RAB18: variants seen among roughly 807,000 people sequenced by gnomAD.
The protein encoded by RAB18 is RAB18, member RAS oncogene family, also known as ras-related protein Rab-18.
Under a neutral mutation model 28.5 loss-of-function variants are expected in RAB18, and 10 were observed. That is an observed-to-expected ratio of 0.35 (90% CI 0.22 to 0.60). RAB18 has a LOEUF of 0.60. RAB18 is among the 20% of genes least tolerant of loss of function. The pLI, the probability that RAB18 is intolerant of heterozygous loss-of-function variation, is 0.78. For synonymous variants in RAB18, 93 were observed against 86.9 expected, an observed-to-expected ratio of 1.07 and a Z score of -0.39; for missense variants, 188 against 244.2, an observed-to-expected ratio of 0.77 and a Z score of 1.53.
chr10:27,516,575 AAG>A (rs1834441854), intron 2 of RAB18, among the ~76,000 whole-genome samples: 4 of 151,910 alleles, frequency 2.6e-5, no homozygotes, highest in South Asian at 4.2e-4. Flanking sequence ...AAAAAAAAAA[AAG>A]AGAGAAATCT....
At chr10:27,506,832 A>C (rs1397165321) in intron 1 of RAB18, among the ~76,000 whole-genome samples, 1 of 152,146 alleles carries the variant, frequency 6.6e-6, no homozygotes, top group Non-Finnish European at 1.5e-5. Context: ...GAAACAAAGA[A>C]ACAAATTTAC....
chr10:27,509,444 C>G (rs886121990), intron 1 of RAB18, among the ~76,000 whole-genome samples: 1 of 152,136 alleles, frequency 6.6e-6, no homozygotes. Flanking sequence ...TGCTTGAATT[C>G]AGAGTGGATT....
At chr10:27,509,543 G>A (rs932231346) in intron 1 of RAB18, among the ~76,000 whole-genome samples, 2 of 152,028 alleles carry the variant, frequency 1.3e-5, no homozygotes, top group African/African-American at 2.4e-5. Context: ...AGCATGACAT[G>A]CTGCTAATAT....
At chr10:27,525,305 A>T (rs906756357) in intron 2 of RAB18, among the ~76,000 whole-genome samples, 1 of 152,200 alleles carries the variant, frequency 6.6e-6, no homozygotes. Flanking sequence ...TTGAGAATTT[A>T]ACTGTAGAGT....
intron 2 of RAB18, among the ~76,000 whole-genome samples, chr10:27,523,774 G>T (rs1411292517): frequency 6.6e-6 from 1 of 151,840 alleles, no homozygotes; most frequent in Non-Finnish European, 1.5e-5. Context: ...CACCATGCCT[G>T]GCTAATTTTA....
intron 1 of RAB18, 72 bp downstream of exon 1, chr10:27,504,509 C>G (rs921214309): frequency 1.3e-6 from 2 of 1,493,834 alleles, no homozygotes; most frequent in South Asian, 1.2e-5. Context: ...GTCTCCTGGG[C>G]CGCGACGGGA....
At chr10:27,522,264 A>G (rs1266265901) in intron 2 of RAB18, among the ~76,000 whole-genome samples, 1 of 152,146 alleles carries the variant, frequency 6.6e-6, no homozygotes, top group East Asian at 1.9e-4. Flanking sequence ...ATATGTTTAT[A>G]ATTGTTGTAT....
chr10:27,505,182 GA>G (rs1315524140), intron 1 of RAB18: 1 of 528,998 alleles, frequency 1.9e-6, no homozygotes. Flanking sequence ...CAGTGGAGTT[GA>G]GTATAAGGTA....
chr10:27,511,827 C>G (rs1834328924), intron 2 of RAB18, among the ~76,000 whole-genome samples: 2 of 152,170 alleles, frequency 1.3e-5, no homozygotes, highest in African/African-American at 4.8e-5. Context: ...TAATTCTTGC[C>G]TGTGACAAGT....
In RAB18 at chr10:27,533,801, A is replaced by G. The variant is rs772643393; in HGVS notation, c.326A>G (p.Tyr109Cys). ...LDNWLNELETYCTRNDIVNML... is the reference protein window; with the variant it reads ...LDNWLNELETCCTRNDIVNML... ...AATTGGTTAAATGAATTGGAAACATACTGTACAAGAAATGACATAGTAAAC... is the reference window on the plus strand; with the variant it reads ...AATTGGTTAAATGAATTGGAAACATGCTGTACAAGAAATGACATAGTAAAC... The change falls in exon 5 of 7, where the codon TAC (tyrosine) becomes TGC (cysteine). Residue 109 changes from tyrosine (Y) to cysteine (C), a missense_variant. By Grantham distance (194) the Tyr-to-Cys change is radical. Transcript: ENST00000356940. 1 of 1,613,782 alleles carries G rather than the reference A, an allele frequency of 6.2e-7. No homozygotes were observed. The highest frequency in any genetic ancestry group is 8.5e-7 in the Non-Finnish European group (1 of 1,179,786).
chr10:27,539,043 C>A lies in RAB18; in HGVS notation c.*992C>A, dbSNP rs763254596. The A allele has an allele frequency of 7.0e-5, 30 of 431,128 alleles. No individual in the cohort carries two copies. Among genetic ancestry groups the A allele is most frequent in the South Asian group, 4.6e-4 (28 of 60,588 alleles). 26.7% of individuals were successfully genotyped at this position (431,128 alleles called of 1,614,324 possible). On this transcript the variant is annotated 3_prime_UTR_variant, in exon 7 of 7. Transcript: ENST00000356940. ...TAATTTGAAAAAGGCATATTGCTTC[C>A]AGATTCTGATGTGTGAGGGAAAATA...
At chr10:27,528,313 A>G (rs760757191) in intron 3 of RAB18, 55 of 496,528 alleles carry the variant, frequency 1.1e-4, no homozygotes, top group Non-Finnish European at 3.2e-5. Context: ...TTTTTTAAAG[A>G]AGAGAGGTTT....
At chr10:27,537,760 A>T (rs1249277192) in intron 6 of RAB18, 116 bp from the exon 7 acceptor site, 2 of 874,504 alleles carry the variant, frequency 2.3e-6, no homozygotes, top group East Asian at 5.3e-5. Context: ...AAAATTGCTG[A>T]TTTGGATCTT....
chr10:27,540,440 A>G lies in RAB18; in HGVS notation c.*2389A>G. Reference sequence around the variant, plus strand: ...GGTAGTTAGTTACCAGCTTTTTGTAACACAACCAAGTTAAGGCAGTTCCAC... The same window carrying G: ...GGTAGTTAGTTACCAGCTTTTTGTAGCACAACCAAGTTAAGGCAGTTCCAC... On this transcript the variant is annotated 3_prime_UTR_variant, in exon 7 of 7. Transcript: ENST00000356940. The G allele has an allele frequency of 2.2e-6, 1 of 454,044 alleles. No individual in the cohort carries two copies. The highest frequency in any genetic ancestry group is 4.4e-6 in the Non-Finnish European group (1 of 226,756). The allele number at this position is 454,044 out of a possible 1,614,324, so 28.1% of individuals were successfully genotyped here.
chr10:27,540,804 TGA>T lies in RAB18; in HGVS notation c.*2755_*2756del, dbSNP rs1021454398. The stretch of plus-strand genomic sequence containing the variant: ...TCATACTTGGTGTTGACATTCTAGC[TGA>T]GTGTTGTGGAAATAGACTTGATTTT... On this transcript the variant is annotated 3_prime_UTR_variant, in exon 7 of 7. Coordinates refer to ENST00000356940, the MANE Select transcript of RAB18 (RefSeq NM_021252.5). The T allele has an allele frequency of 4.4e-6, 2 of 453,990 alleles. No individual in the cohort carries two copies. The highest frequency in any genetic ancestry group is 4.0e-5 in the African/African-American group (2 of 50,000). 28.1% of individuals were successfully genotyped at this position (453,990 alleles called of 1,614,324 possible). A position where few individuals can be genotyped will look rare whatever the true frequency, so the allele number is the denominator to read the frequency against.
Position 27,541,684 on chromosome 10 carries a change from G to GC in RAB18, c.*3633_*3634insC, listed in dbSNP as rs1554904251. The GC allele has an allele frequency of 6.7e-6, 3 of 445,246 alleles. No individual in the cohort carries two copies. The highest frequency in any genetic ancestry group is 4.9e-5 in the Admixed American group (2 of 41,010). 27.6% of individuals were successfully genotyped at this position (445,246 alleles called of 1,614,324 possible). A position where few individuals can be genotyped will look rare whatever the true frequency, so the allele number is the denominator to read the frequency against. On this transcript the variant is annotated 3_prime_UTR_variant, in exon 7 of 7. Transcript: ENST00000356940. ...AACCGGAGAAGCAACAAATTACGTAGTTTTTTTTGTGTTTCTTTGATTACT... is the reference window on the plus strand; with the variant it reads ...AACCGGAGAAGCAACAAATTACGTAGCTTTTTTTTGTGTTTCTTTGATTACT...
At chr10:27,517,207 A>G (rs968173845) in intron 2 of RAB18, among the ~76,000 whole-genome samples, 2 of 152,098 alleles carry the variant, frequency 1.3e-5, no homozygotes, top group African/African-American at 4.8e-5. Flanking sequence ...TACTAAAAAT[A>G]CAAAAATTAG....
In RAB18 at chr10:27,517,993, T is replaced by C. The variant is rs566397543; in HGVS notation, c.124+8063T>C. Among the ~76,000 whole-genome samples, 5 of 152,218 alleles carry C rather than the reference T, an allele frequency of 3.3e-5. No individual in the cohort carries two copies. In the South Asian group the frequency reaches 1.0e-3, roughly 32 times the overall value. On this transcript the variant is annotated intron_variant, in intron 2 of 6. Transcript: ENST00000356940. ...ATTATACTTTAAGTTTTAGGGTACA[T>C]GTGCACCTCTGAGACTGCTTTCACT...
chr10:27,508,719 C>G (rs886704220), intron 1 of RAB18, among the ~76,000 whole-genome samples: 2 of 152,018 alleles, frequency 1.3e-5, no homozygotes, highest in African/African-American at 4.8e-5. Context: ...GAGAGTTAAT[C>G]GTTCAAATAT....
Sources: allele counts gnomAD v4.1 joint callset (sites outside exome capture counted in the v4.1 genomes callset), GRCh38; gene constraint gnomAD v4.1.1; transcripts MANE v1.5; gene names NCBI Gene and HGNC (gene_info 2026-07-23, HGNC 2026-07-21).